The following CAPNS1 variants were observed in gnomAD, a reference collection of about 807,000 sequenced individuals.
CAPNS1 encodes the protein CANP small subunit.
In CAPNS1, 32 loss-of-function variants were observed where a neutral mutation model predicts 39.2. The observed-to-expected ratio is 0.82, with a 90% confidence interval of 0.62 to 1.10. CAPNS1 has a LOEUF of 1.10. Among genes scored for constraint, CAPNS1 ranks in the 50% least tolerant of loss-of-function variants. The probability of loss-of-function intolerance (pLI) is 0.00; values close to 1 mark genes in which losing one functional copy is unlikely to be tolerated. For missense variants in CAPNS1, 353 were observed against 373.1 expected (o/e 0.95, Z 0.44); for synonymous variants, 153 against 136.2 (o/e 1.12, Z -0.86).
intron 9 of CAPNS1, among the ~76,000 whole-genome samples, chr19:36,147,567 C>T (rs1276846718): frequency 6.6e-6 from 1 of 151,848 alleles, no homozygotes; most frequent in Admixed American, 6.6e-5. Context: ...GAGTTCGAGA[C>T]CATCCTGGCT....
chr19:36,141,296 T>C (rs1974364269), intron 2 of CAPNS1, 76 bp downstream of exon 2: 2 of 1,435,358 alleles, frequency 1.4e-6, no homozygotes, highest in Non-Finnish European at 1.8e-6. Context: ...GGGAGGGGCG[T>C]GGTCTAAAAA....
Position 36,142,642 on chromosome 19 carries a change from C to A in CAPNS1, c.244-10C>A. The A allele has an allele frequency of 1.2e-6, 2 of 1,613,514 alleles. No individual in the cohort carries two copies. The highest frequency in any genetic ancestry group is 2.2e-5 in the South Asian group (2 of 91,054). On this transcript the variant is annotated splice_polypyrimidine_tract_variant and intron_variant, in intron 3 of 10. Coordinates refer to ENST00000246533, the MANE Select transcript of CAPNS1 (RefSeq NM_001749.4). ...CCCTCCCCCTGCTCTGAGCTCTCCT[C>A]CCTTTGCAGCCCCCACGCACACATT...
In CAPNS1 at chr19:36,141,931, C is replaced by T. The variant is rs147734358; in HGVS notation, c.210-369C>T. Among the ~76,000 whole-genome samples, 441 of 152,214 alleles carry T rather than the reference C, an allele frequency of 2.9e-3. 3 individuals are homozygous for T. Among genetic ancestry groups the T allele is most frequent in the African/African-American group, 0.01 (418 of 41,508 alleles). ...AGGATAAGGCCTTGGGAAGCTGGGG[C>T]AGAGCCTCTATGAAGTGAGCCCTCC... On this transcript the variant is annotated intron_variant, in intron 2 of 10. Coordinates refer to ENST00000246533, the MANE Select transcript of CAPNS1 (RefSeq NM_001749.4).
intron 6 of CAPNS1, among the ~76,000 whole-genome samples, chr19:36,143,414 A>T (rs1404803907): frequency 1.3e-5 from 2 of 152,004 alleles, no homozygotes; most frequent in Non-Finnish European, 2.9e-5. Flanking sequence ...TTCCTGAAAG[A>T]AGCAGTCATT....
At chr19:36,146,883 T>C (rs1974587218) in intron 9 of CAPNS1, among the ~76,000 whole-genome samples, 1 of 152,216 alleles carries the variant, frequency 6.6e-6, no homozygotes. Context: ...GCTGCTCTTG[T>C]TGCCCAGGCT....
chr19:36,147,580 C>A (rs1432005709), intron 9 of CAPNS1, among the ~76,000 whole-genome samples: 1 of 152,038 alleles, frequency 6.6e-6, no homozygotes, highest in African/African-American at 2.4e-5. Flanking sequence ...TCCTGGCTAA[C>A]ACAGTGAAAC....
intron 6 of CAPNS1, among the ~76,000 whole-genome samples, chr19:36,143,342 A>AGGG (rs540801401): frequency 2.0e-5 from 3 of 152,080 alleles, no homozygotes; most frequent in Non-Finnish European, 4.4e-5. Context: ...CGTCATAACC[A>AGGG]CCCTGTTGGA....
In CAPNS1 at chr19:36,142,332, C is replaced by G; in HGVS notation, c.242C>G (p.Pro81Arg). ...EAAAQYNPEP[P>R]PPRTHYSNIE... is the part of the protein sequence containing the mutation. Reference sequence around the variant, plus strand: ...GCTGCGCAGTACAACCCGGAGCCCCCGGTAAGCCCCCTCTGCAACCAGACC... The same window carrying G: ...GCTGCGCAGTACAACCCGGAGCCCCGGGTAAGCCCCCTCTGCAACCAGACC... Residue 81 changes from proline (P) to arginine (R), a missense_variant and splice_region_variant, in exon 3 of 11, where the codon CCG becomes CGG. By Grantham distance (103) the Pro-to-Arg change is moderately radical. Transcript: ENST00000246533. 1 of 1,535,616 alleles carries G rather than the reference C, an allele frequency of 6.5e-7. No homozygotes were observed. The highest frequency in any genetic ancestry group is 1.2e-5 in the South Asian group (1 of 84,546).
chr19:36,145,553 T>C, intron 6 of CAPNS1: 1 of 437,778 alleles, frequency 2.3e-6, no homozygotes, highest in Non-Finnish European at 4.1e-6. Context: ...GGCAAGGAAT[T>C]TGTACTTTAG....
rs550791287 is a variant in CAPNS1, at chr19:36,146,025, G to A, written c.575G>A (p.Ser192Asn). Residue 192 changes from serine (S) to asparagine (N), a missense_variant, in exon 8 of 11, where the codon AGT becomes AAT. Coordinates refer to ENST00000246533, the MANE Select transcript of CAPNS1 (RefSeq NM_001749.4). ...GACCGATCAGGGACCATTTGCAGTA[G>A]TGAACTCCCAGGTGCCTTTGAGGCA... Reference protein sequence around the residue: ...DTDRSGTICSSELPGAFEAAG... With the variant: ...DTDRSGTICSNELPGAFEAAG... 1 of 1,614,096 alleles carries A rather than the reference G, an allele frequency of 6.2e-7. No individual in the cohort carries two copies. The highest frequency in any genetic ancestry group is 1.7e-5 in the Admixed American group (1 of 59,994).
Position 36,142,274 on chromosome 19 carries a change from A to C in CAPNS1, c.210-26A>C, listed in dbSNP as rs370858148. On this transcript the variant is annotated intron_variant, in intron 2 of 10. Transcript: ENST00000246533. ...CGTTGGAGGCCCCGCCCCTGGCACT[A>C]ACCCCTCCCCCTTATCTCTTCGCAG... The C allele has an allele frequency of 8.6e-5, 134 of 1,562,644 alleles. No homozygotes were observed. The African/African-American group carries it at 1.7e-3, about 20-fold the overall frequency.
chr19:36,142,260 C>G (rs766969509), intron 2 of CAPNS1, 40 bp from the exon 3 acceptor site: 1 of 1,490,232 alleles, frequency 6.7e-7, no homozygotes, highest in Non-Finnish European at 9.4e-7. Flanking sequence ...GTTGGAGGCC[C>G]CGCCCCTGGC....
chr19:36,146,827 G>A (rs893485640), intron 9 of CAPNS1, among the ~76,000 whole-genome samples: 13 of 152,120 alleles, frequency 8.5e-5, no homozygotes, highest in African/African-American at 3.1e-4. Context: ...GGCTTCTGAT[G>A]CTTTTTGTTA....
At chr19:36,141,538 T>C in intron 2 of CAPNS1, 2 of 1,185,838 alleles carry the variant, frequency 1.7e-6, no homozygotes, top group South Asian at 7.3e-5. Flanking sequence ...CAGCCTGCAT[T>C]GGCTAACCTG....
chr19:36,144,641 C>T (rs1974499890), intron 6 of CAPNS1, among the ~76,000 whole-genome samples: 1 of 152,308 alleles, frequency 6.6e-6, no homozygotes, highest in South Asian at 2.1e-4. Context: ...GCCTTGGCCT[C>T]CCAAAGTGTT....
intron 3 of CAPNS1, 102 bp from the exon 4 acceptor site, chr19:36,142,550 C>A: frequency 1.1e-6 from 1 of 877,500 alleles, no homozygotes; most frequent in Non-Finnish European, 1.9e-6. Flanking sequence ...CCTCATCAAG[C>A]TGCCCAGCCC....
chr19:36,146,305 C>T lies in CAPNS1; in HGVS notation c.714C>T (p.Ala238=). 6.2e-7 allele frequency: 1 copy of T among 1,609,088 alleles called. No individual in the cohort carries two copies. Among genetic ancestry groups the T allele is most frequent in the Non-Finnish European group, 8.5e-7 (1 of 1,175,524 alleles). The change falls in exon 9 of 11, where the codon GCC becomes GCT. Residue 238 remains alanine (A), a synonymous_variant. Transcript: ENST00000246533. ...TCAGCTGCTTGGTCAGGCTGGACGC[C>T]ATGTTCCGTGAGTGACAACCCAGCT... ...NFISCLVRLD[A]MFRAFKSLDK... is the part of the protein sequence containing the mutation.
intron 6 of CAPNS1, among the ~76,000 whole-genome samples, chr19:36,144,662 G>A (rs550748706): frequency 6.6e-6 from 1 of 152,268 alleles, no homozygotes. Flanking sequence ...GGGATTACAA[G>A]CTTGAGACAC....
chr19:36,145,203 C>CTTTTTTTTTTTTTTT (rs5827950), intron 6 of CAPNS1, among the ~76,000 whole-genome samples: 2 of 118,296 alleles, frequency 1.7e-5, no homozygotes, highest in Non-Finnish European at 3.3e-5. Flanking sequence ...TTTTCTTTCT[C>CTTTTTTTTTTTTTTT]TTTTTTTTTT....
Sources: allele counts gnomAD v4.1 joint callset (sites outside exome capture counted in the v4.1 genomes callset), GRCh38; gene constraint gnomAD v4.1.1; transcripts MANE v1.5; gene names NCBI Gene and HGNC (gene_info 2026-07-23, HGNC 2026-07-21).